The following CTTN variants were observed in gnomAD, a reference collection of about 807,000 sequenced individuals.
CTTN encodes cortactin.
A neutral mutation model predicts 84.0 loss-of-function variants in CTTN; 28 were observed. The observed-to-expected ratio is 0.33, with a 90% CI of 0.25 to 0.46. The LOEUF (loss-of-function observed/expected upper bound fraction) is 0.46, where lower values mean the gene tolerates loss of function less well. Among genes scored for constraint, CTTN ranks in the 20% least tolerant of loss-of-function variants. The pLI, the probability that CTTN is intolerant of heterozygous loss-of-function variation, is 1.00. For synonymous variants in CTTN, 301 were observed against 288.8 expected, an observed-to-expected ratio of 1.04 and a Z score of -0.43; for missense variants, 641 against 723.8, an observed-to-expected ratio of 0.89 and a Z score of 1.31.
At chr11:70,411,630 A>G (rs893870460) in intron 5 of CTTN, among the ~76,000 whole-genome samples, 1 of 152,218 alleles carries the variant, frequency 6.6e-6, no homozygotes. Context: ...AAGAAAGGCA[A>G]CGTGTCAGGA....
intron 7 of CTTN, 76 bp downstream of exon 7, chr11:70,415,793 T>G (rs1239285117): frequency 2.1e-6 from 3 of 1,453,328 alleles, no homozygotes; most frequent in Middle Eastern, 2.2e-4. Flanking sequence ...TGAAGCCGTT[T>G]CCCCGCGCTC....
intron 1 of CTTN, among the ~76,000 whole-genome samples, chr11:70,400,920 T>C (rs1369417526): frequency 6.6e-6 from 1 of 152,008 alleles, no homozygotes; most frequent in South Asian, 2.1e-4. Flanking sequence ...GTGTAGGGAG[T>C]GTGCCTGTGA....
Position 70,424,737 on chromosome 11 carries a change from G to T in CTTN, c.958-595G>T, listed in dbSNP as rs142478416. 5.7e-3 allele frequency among the ~76,000 whole-genome samples: 865 copies of T among 152,152 alleles called. 5 individuals carry two copies. The highest frequency in any genetic ancestry group is 0.02 in the African/African-American group (834 of 41,508). Reference sequence around the variant, plus strand: ...GGAAGGGGGCAAGCAGGAGGTGCTGGGCAGAAAGGGGCCATGGTATGGGGG... The same window carrying T: ...GGAAGGGGGCAAGCAGGAGGTGCTGTGCAGAAAGGGGCCATGGTATGGGGG... On this transcript the variant is annotated intron_variant, in intron 12 of 17. Coordinates refer to ENST00000301843, the MANE Select transcript of CTTN (RefSeq NM_005231.4).
chr11:70,419,728 T>C lies in CTTN; in HGVS notation c.569-18T>C, dbSNP rs762934806. On this transcript the variant is annotated intron_variant, in intron 8 of 17. Coordinates refer to ENST00000301843, the MANE Select transcript of CTTN (RefSeq NM_005231.4). ...TTCGTTGCTCCTTTTAAAGTAGTCC[T>C]TTTTTGTTTGTTTTTAGATTACTCC... 1 of 1,595,148 alleles carries C rather than the reference T, an allele frequency of 6.3e-7. No homozygotes were observed. Among genetic ancestry groups the C allele is most frequent in the Non-Finnish European group, 8.5e-7 (1 of 1,171,146 alleles).
chr11:70,410,302 T>C, intron 5 of CTTN: 1 of 228,782 alleles, frequency 4.4e-6, no homozygotes, highest in South Asian at 8.7e-5. Context: ...GGTTCCAGTC[T>C]GTAGCCTAAG....
intron 17 of CTTN, among the ~76,000 whole-genome samples, 176 bp downstream of exon 17, chr11:70,433,894 A>G (rs2058384236): frequency 6.6e-6 from 1 of 152,078 alleles, no homozygotes; most frequent in Non-Finnish European, 1.5e-5. Context: ...CATGTTCCCT[A>G]CCCGGATTCC....
intron 5 of CTTN, 28 bp downstream of exon 5, chr11:70,409,988 G>C (rs2058081105): frequency 6.2e-7 from 1 of 1,613,356 alleles, no homozygotes; most frequent in Non-Finnish European, 8.5e-7. Context: ...GCCTATGCCA[G>C]GCTCCTGGTG....
In CTTN at chr11:70,414,577, C is replaced by T. The variant is rs768799079; in HGVS notation, c.327C>T (p.Ser109=). ...GCCACGAATATCAGTCGAAACTTTC[C>T]AAGCACTGCTCGCAGGTGGACTCGG... The part of the protein sequence containing the change: ...AVGHEYQSKL[S]KHCSQVDSVR... Residue 109 remains serine, a synonymous_variant, in exon 6 of 18, where the codon TCC becomes TCT. Transcript: ENST00000301843. 6.2e-7 allele frequency: 1 copy of T among 1,614,202 alleles called. No homozygotes were observed. Among genetic ancestry groups the T allele is most frequent in the Non-Finnish European group, 8.5e-7 (1 of 1,180,020 alleles).
Position 70,418,893 on chromosome 11 carries a change from C to T in CTTN, c.569-853C>T, listed in dbSNP as rs565269929. Among the ~76,000 whole-genome samples the T allele has an allele frequency of 1.2e-3, 180 of 151,404 alleles. 3 individuals carry two copies. Among genetic ancestry groups the T allele is most frequent in the Non-Finnish European group, 9.3e-4 (63 of 67,874 alleles). Reference sequence around the variant, plus strand: ...CCGGGTTCAAACAATTCTCCTGCCTCAGTCTCCTGAGTAGCCGGGATTACA... The same window carrying T: ...CCGGGTTCAAACAATTCTCCTGCCTTAGTCTCCTGAGTAGCCGGGATTACA... On this transcript the variant is annotated intron_variant, in intron 8 of 17. Coordinates refer to ENST00000301843, the MANE Select transcript of CTTN (RefSeq NM_005231.4).
At chr11:70,404,418 G>A (rs982981749) in intron 1 of CTTN, among the ~76,000 whole-genome samples, 3 of 152,154 alleles carry the variant, frequency 2.0e-5, no homozygotes, top group African/African-American at 7.2e-5. Flanking sequence ...TGCTCCCTGC[G>A]CGGTAACCGT....
chr11:70,421,688 TCACCACTTGTCAGCTGTCAGGCTGTTCGG>T (rs1205208742), intron 11 of CTTN, 108 bp downstream of exon 11: 41 of 746,222 alleles, frequency 5.5e-5, no homozygotes, highest in Admixed American at 1.7e-4. Flanking sequence ...TCCTCCTGTG[TCACCACTTGTCAGCTGTCAGGCTGTTCGG>T]CACTTTAAAC....
chr11:70,399,735 T>G (rs1204322158), intron 1 of CTTN, among the ~76,000 whole-genome samples: 1 of 152,142 alleles, frequency 6.6e-6, no homozygotes, highest in Non-Finnish European at 1.5e-5. Flanking sequence ...TTGGGGCCCC[T>G]TGGGGAGGAA....
chr11:70,433,986 C>T (rs1256045714), intron 17 of CTTN, among the ~76,000 whole-genome samples: 1 of 152,172 alleles, frequency 6.6e-6, no homozygotes, highest in Non-Finnish European at 1.5e-5. Context: ...TGCTGCCACC[C>T]CCAAAGACTC....
chr11:70,414,514 A>C (rs779667941), intron 5 of CTTN, 28 bp from the exon 6 acceptor site: 2 of 1,547,774 alleles, frequency 1.3e-6, no homozygotes, highest in Admixed American at 3.3e-5. Context: ...GTTGGTGTCT[A>C]ATGCTTTGTG....
chr11:70,401,475 C>CAAAAGAA (rs1364099787), intron 1 of CTTN, among the ~76,000 whole-genome samples: 1 of 151,440 alleles, frequency 6.6e-6, no homozygotes, highest in Non-Finnish European at 1.5e-5. Context: ...GACTCCATCT[C>CAAAAGAA]AAAAGAAAAA....
In CTTN at chr11:70,428,153, CTTTTTTTTTTTTTTT is replaced by C. The variant is rs60189081; in HGVS notation, c.1028-881_1028-867del. ...CAGGGAAGGCTCATGTGTCTTCCCA[CTTTTTTTTTTTTTTT>C]TTTTTTTTTTTTTTTTGAGACAGAG... On this transcript the variant is annotated intron_variant, in intron 13 of 17. Coordinates refer to ENST00000301843, the MANE Select transcript of CTTN (RefSeq NM_005231.4). Among the ~76,000 whole-genome samples, 12 of 62,538 alleles carry C rather than the reference CTTTTTTTTTTTTTTT, an allele frequency of 1.9e-4. 1 individual carries two copies. The highest frequency in any genetic ancestry group is 4.5e-4 in the African/African-American group (9 of 19,872). The allele number at this position is 62,538 out of a possible 152,430, so 41.0% of individuals were successfully genotyped here. A position where few individuals can be genotyped will look rare whatever the true frequency, so the allele number is the denominator to read the frequency against.
Position 70,420,509 on chromosome 11 carries a change from A to G in CTTN, c.789A>G (p.Lys263=), listed in dbSNP as rs758151323. 6.2e-7 allele frequency: 1 copy of G among 1,609,302 alleles called. No individual in the cohort carries two copies. The highest frequency in any genetic ancestry group is 1.3e-5 in the African/African-American group (1 of 74,946). ...AATTGCAGCTGCATGAATCCCAAAA[A>G]GGTACATTCACTCTGCCTGTATGCG... ...QEKLQLHESQ[K]DYKTGFGGKF... Residue 263 remains lysine (K), a splice_region_variant and synonymous_variant, in exon 10 of 18, where the codon AAA becomes AAG. Coordinates refer to ENST00000301843, the MANE Select transcript of CTTN (RefSeq NM_005231.4).
intron 1 of CTTN, 39 bp from the exon 2 acceptor site, chr11:70,405,226 T>TA (rs1232230337): frequency 1.3e-5 from 2 of 152,240 alleles, no homozygotes; most frequent in African/African-American, 2.4e-5. Flanking sequence ...CTGCTCAACA[T>TA]ACATCCTTCT....
chr11:70,428,960 TG>T, intron 13 of CTTN, 90 bp from the exon 14 acceptor site: 1 of 1,488,600 alleles, frequency 6.7e-7, no homozygotes, highest in Non-Finnish European at 9.3e-7. Flanking sequence ...GACCGGTTCC[TG>T]GGGAGGTCAC....
Sources: allele counts gnomAD v4.1 joint callset (sites outside exome capture counted in the v4.1 genomes callset), GRCh38; gene constraint gnomAD v4.1.1; transcripts MANE v1.5; gene names NCBI Gene and HGNC (gene_info 2026-07-23, HGNC 2026-07-21).